The following SERINC5 variants were observed in gnomAD, a reference collection of about 807,000 sequenced individuals.
The protein encoded by SERINC5 is serine incorporator 5.
A neutral mutation model predicts 63.1 loss-of-function variants in SERINC5; 41 were observed. The observed-to-expected ratio is 0.65, with a 90% CI of 0.51 to 0.84. SERINC5 has a LOEUF of 0.84. SERINC5 is among the 40% of genes least tolerant of loss of function. The pLI, the probability that SERINC5 is intolerant of heterozygous loss-of-function variation, is 0.00. For synonymous variants in SERINC5, 222 were observed against 215.2 expected (o/e 1.03, Z -0.28); for missense variants, 523 against 573.0 (o/e 0.91, Z 0.89).
At chr5:80,219,200 C>T (rs1007336807) in intron 1 of SERINC5, among the ~76,000 whole-genome samples, 2 of 152,180 alleles carry the variant, frequency 1.3e-5, no homozygotes, top group Non-Finnish European at 2.9e-5. Context: ...CCTCTCAAGA[C>T]GCATGTCCCT....
At position 80,146,253 on chromosome 5, in the gene SERINC5, G is replaced by T. The variant is rs775821425; in HGVS notation, c.1094-19C>A. ...TCAGTGTCTGTGAAGCACAGAGGGA[G>T]CCCAGGCTCAATGAGTGAATGTGTG... On this transcript the variant is annotated intron_variant, in intron 10 of 11. Coordinates refer to ENST00000507668, the MANE Select transcript of SERINC5 (RefSeq NM_001174072.3). 2 of 1,613,544 alleles carry T rather than the reference G, an allele frequency of 1.2e-6. No individual in the cohort carries two copies. Among genetic ancestry groups the T allele is most frequent in the South Asian group, 2.2e-5 (2 of 91,052 alleles).
chr5:80,137,928 ACT>A (rs1254140230), downstream of SERINC5, among the ~76,000 whole-genome samples: 3 of 152,064 alleles, frequency 2.0e-5, no homozygotes, highest in Admixed American at 1.3e-4. Context: ...ACAGAGTGAG[ACT>A]CTGTCTCAAA....
intron 11 of SERINC5, among the ~76,000 whole-genome samples, chr5:80,145,126 G>A (rs1216404626): frequency 6.6e-6 from 1 of 151,838 alleles, no homozygotes; most frequent in Non-Finnish European, 1.5e-5. Context: ...GGATCACAAG[G>A]TCAGGAGTTC....
intron 1 of SERINC5, among the ~76,000 whole-genome samples, chr5:80,204,756 A>T (rs1352235748): frequency 2.0e-5 from 3 of 152,222 alleles, no homozygotes; most frequent in Non-Finnish European, 4.4e-5. Context: ...TGGGCCCAAG[A>T]AAGTGAGGGA....
chr5:80,152,977 C>A (rs1483067784), intron 8 of SERINC5, among the ~76,000 whole-genome samples: 4 of 152,168 alleles, frequency 2.6e-5, no homozygotes, highest in Non-Finnish European at 5.9e-5. Flanking sequence ...AAATATTCTA[C>A]TCTATAAATT....
intron 7 of SERINC5, among the ~76,000 whole-genome samples, chr5:80,165,979 T>C (rs77027564): frequency 0.031 from 4,654 of 152,322 alleles, 115 homozygotes; most frequent in South Asian, 0.073. Context: ...TTTTTGTGGA[T>C]ACATAGTAGG....
chr5:80,240,466 G>T (rs1199117190), intron 1 of SERINC5, among the ~76,000 whole-genome samples: 5 of 152,038 alleles, frequency 3.3e-5, no homozygotes, highest in African/African-American at 9.7e-5. Context: ...CAAAGTTTTA[G>T]AATATTGTGC....
At chr5:80,250,789 G>A (rs1752375314) in intron 1 of SERINC5, among the ~76,000 whole-genome samples, 1 of 152,160 alleles carries the variant, frequency 6.6e-6, no homozygotes, top group Non-Finnish European at 1.5e-5. Context: ...CCACACAGCT[G>A]GCCTAATTGC....
chr5:80,149,799 G>A lies in SERINC5; in HGVS notation c.1053+1083C>T, dbSNP rs577337164. On this transcript the variant is annotated intron_variant, in intron 9 of 11. Coordinates refer to ENST00000507668, the MANE Select transcript of SERINC5 (RefSeq NM_001174072.3). ...TAGAACAGTGCCTGGGACATAGCAA[G>A]TGCTGTAAGTCTTAGCCATCTTTGG... is the stretch of plus-strand genomic sequence containing the variant. Among the ~76,000 whole-genome samples the A allele has an allele frequency of 5.3e-5, 8 of 152,324 alleles. No homozygotes were observed. In the South Asian group the frequency reaches 1.7e-3, roughly 32 times the overall value.
intron 6 of SERINC5, 39 bp from the exon 7 acceptor site, chr5:80,166,517 G>A (rs753219441): frequency 5.7e-5 from 80 of 1,410,208 alleles, no homozygotes; most frequent in Non-Finnish European, 7.4e-5. Context: ...GTTTTAATTT[G>A]AAGAAAAAGA....
chr5:80,221,642 G>A (rs1157279946), intron 1 of SERINC5, among the ~76,000 whole-genome samples: 1 of 151,958 alleles, frequency 6.6e-6, no homozygotes, highest in Non-Finnish European at 1.5e-5. Flanking sequence ...TTTAAATGAA[G>A]AGAAAACTGC....
chr5:80,200,865 G>A (rs10058560), intron 2 of SERINC5, among the ~76,000 whole-genome samples: 24,511 of 152,020 alleles, frequency 0.16, 2,214 homozygotes, highest in Admixed American at 0.2. Context: ...AGGCTGAGGC[G>A]GGCAGATCAC....
At chr5:80,161,022 A>ATG (rs1554061901) in intron 7 of SERINC5, among the ~76,000 whole-genome samples, 11 of 124,098 alleles carry the variant, frequency 8.9e-5, no homozygotes, top group South Asian at 5.2e-4. Flanking sequence ...ATACGTGTAT[A>ATG]TATATACACA....
intron 2 of SERINC5, among the ~76,000 whole-genome samples, chr5:80,186,890 T>C (rs1748843024): frequency 6.6e-6 from 1 of 151,962 alleles, no homozygotes; most frequent in Non-Finnish European, 1.5e-5. Context: ...GCGCGGTGGC[T>C]CACGTATGTA....
intron 1 of SERINC5, among the ~76,000 whole-genome samples, chr5:80,252,250 G>A (rs1398545571): frequency 6.6e-6 from 1 of 151,914 alleles, no homozygotes; most frequent in Non-Finnish European, 1.5e-5. Flanking sequence ...AGTAGAGACA[G>A]GGTTTCACCA....
chr5:80,147,285 C>T lies in SERINC5; in HGVS notation c.1054-1G>A. ...TGAAGCAAAAACAACAGCGAGCTAT[C>T]TGTGAAAGCAAAAGCAACAGTCAGG... On this transcript the variant is annotated splice_acceptor_variant, in intron 9 of 11. Transcript: ENST00000507668. LOFTEE classifies it high-confidence loss of function. 1 of 1,605,892 alleles carries T rather than the reference C, an allele frequency of 6.2e-7. No individual in the cohort carries two copies.
intron 1 of SERINC5, among the ~76,000 whole-genome samples, chr5:80,217,638 T>C (rs1296015117): frequency 2.0e-5 from 3 of 152,168 alleles, no homozygotes; most frequent in Non-Finnish European, 4.4e-5. Context: ...ATACCAAAAA[T>C]GCAGTTCTAT....
chr5:80,140,332 A>AT lies in SERINC5; in HGVS notation c.*3330_*3331insA. ...AAAAAAAAAAAAAAAAAAAAAAAAA[A>AT]GGCTTAGGGTGACAATTTTGACATG... On this transcript the variant is annotated 3_prime_UTR_variant, in exon 12 of 12. Coordinates refer to ENST00000507668, the MANE Select transcript of SERINC5 (RefSeq NM_001174072.3). 18 of 713,024 alleles carry AT rather than the reference A, an allele frequency of 2.5e-5. No homozygotes were observed. The highest frequency in any genetic ancestry group is 2.5e-5 in the Non-Finnish European group (15 of 594,586). 44.2% of individuals were successfully genotyped at this position (713,024 alleles called of 1,614,324 possible). A position where few individuals can be genotyped will look rare whatever the true frequency, so the allele number is the denominator to read the frequency against.
chr5:80,202,710 T>C (rs1328902609), intron 2 of SERINC5, among the ~76,000 whole-genome samples, 176 bp downstream of exon 2: 1 of 152,194 alleles, frequency 6.6e-6, no homozygotes, highest in African/African-American at 2.4e-5. Flanking sequence ...TTTTCCTGTT[T>C]AGCCAGAAGG....
Sources: allele counts gnomAD v4.1 joint callset (sites outside exome capture counted in the v4.1 genomes callset), GRCh38; gene constraint gnomAD v4.1.1; transcripts MANE v1.5; gene names NCBI Gene and HGNC (gene_info 2026-07-23, HGNC 2026-07-21).